The following PISD variants were observed in gnomAD, a reference collection of about 807,000 sequenced individuals.
PISD encodes phosphatidylserine decarboxylase, also known as phosphatidylserine decarboxylase proenzyme, mitochondrial.
PISD carries 31 observed loss-of-function variants against 43.5 expected under a neutral mutation model. That is an observed-to-expected ratio of 0.71 (90% confidence interval 0.54 to 0.96). The LOEUF is 0.96. Ranked by LOEUF, PISD falls within the 40% of genes least tolerant of loss-of-function variation. The pLI is 0.00. For missense variants in PISD, 523 were observed against 548.4 expected, an observed-to-expected ratio of 0.95 and a Z score of 0.46; for synonymous variants, 259 against 228.7, an observed-to-expected ratio of 1.13 and a Z score of -1.20.
At chr22:31,656,649 A>AAAATAAATAAAT (rs59608474) in intron 1 of PISD, among the ~76,000 whole-genome samples, 10,064 of 149,154 alleles carry the variant, frequency 0.067, 359 homozygotes, top group South Asian at 0.13. Context: ...CTGCGTCTCA[A>AAAATAAATAAAT]AAATAAATAA....
Position 31,620,720 on chromosome 22 carries a change from A to G in PISD, c.845-7T>C. The G allele has an allele frequency of 6.2e-7, 1 of 1,614,122 alleles. No individual in the cohort carries two copies. The highest frequency in any genetic ancestry group is 8.5e-7 in the Non-Finnish European group (1 of 1,179,986). On this transcript the variant is annotated splice_region_variant and splice_polypyrimidine_tract_variant and intron_variant, in intron 6 of 7. Transcript: ENST00000439502. ...TTCACTGACATCAGGGAGCCTGCAG[A>G]GGCAGGGAATGCCGCTACTCCCCGT...
intron 1 of PISD, among the ~76,000 whole-genome samples, 161 bp from the exon 2 acceptor site, chr22:31,650,939 G>A (rs926075663): frequency 1.3e-5 from 2 of 152,092 alleles, no homozygotes; most frequent in African/African-American, 4.8e-5. Flanking sequence ...GTAGGGGAAG[G>A]ACTGAAATAT....
In PISD at chr22:31,621,449, G is replaced by A. The variant is rs760875261; in HGVS notation, c.582C>T (p.Ile194=). 6.8e-6 allele frequency: 11 copies of A among 1,614,046 alleles called. No individual in the cohort carries two copies. Among genetic ancestry groups the A allele is most frequent in the Non-Finnish European group, 9.3e-6 (11 of 1,180,036 alleles). ...HSVISPSDGR[I]LNFGQVKNCE... is the part of the protein sequence containing the mutation. Reference sequence around the variant, plus strand: ...AGTTCTTCACCTGCCCAAAGTTGAGGATCCTTCCATCCGATGGGCTAATCT... The same window carrying A: ...AGTTCTTCACCTGCCCAAAGTTGAGAATCCTTCCATCCGATGGGCTAATCT... Residue 194 remains isoleucine, a synonymous_variant, in exon 5 of 8, where the codon ATC becomes ATT. Coordinates refer to ENST00000439502, the MANE Select transcript of PISD (RefSeq NM_001326411.2).
At chr22:31,635,412 C>T (rs1259653640) in intron 3 of PISD, among the ~76,000 whole-genome samples, 1 of 152,080 alleles carries the variant, frequency 6.6e-6, no homozygotes, top group Non-Finnish European at 1.5e-5. Flanking sequence ...AAGCAATTCT[C>T]ATGCCTCAGC....
intron 2 of PISD, 29 bp from the exon 3 acceptor site, chr22:31,648,305 C>G: frequency 6.4e-7 from 1 of 1,569,532 alleles, no homozygotes; most frequent in Non-Finnish European, 8.7e-7. Context: ...CAATTTCAAG[C>G]CTGAGAGACA....
intron 3 of PISD, among the ~76,000 whole-genome samples, chr22:31,633,531 C>T (rs1444287084): frequency 2.0e-5 from 3 of 152,120 alleles, no homozygotes; most frequent in Non-Finnish European, 4.4e-5. Flanking sequence ...CTGGCTAACA[C>T]GGTGAAACTC....
intron 3 of PISD, among the ~76,000 whole-genome samples, chr22:31,623,458 T>C (rs1603396029): frequency 6.6e-6 from 1 of 151,886 alleles, no homozygotes; most frequent in Non-Finnish European, 1.5e-5. Flanking sequence ...GCTAGGGGAG[T>C]GGGCAGGGCA....
intron 3 of PISD, among the ~76,000 whole-genome samples, chr22:31,645,432 CA>C (rs905997775): frequency 6.6e-6 from 1 of 150,706 alleles, no homozygotes; most frequent in Admixed American, 6.6e-5. Flanking sequence ...TGGCCGGGCG[CA>C]GTGGCGCACA....
intron 1 of PISD, among the ~76,000 whole-genome samples, chr22:31,654,411 G>C (rs2074110781): frequency 6.6e-6 from 1 of 152,088 alleles, no homozygotes; most frequent in Non-Finnish European, 1.5e-5. Context: ...TGGCTTTAAA[G>C]AACCATCCAC....
chr22:31,662,162 A>ACC lies in PISD; in HGVS notation c.45_46dup (p.Val16GlyfsTer17). 6.2e-7 allele frequency: 1 copy of ACC among 1,607,024 alleles called. No homozygotes were observed. The highest frequency in any genetic ancestry group is 8.5e-7 in the Non-Finnish European group (1 of 1,179,800). ...GCTATACCTGCTCCGCCACGGCGCG[A>ACC]CCCCGTGCAGTAATCCCAGACATCG... On this transcript the variant is annotated frameshift_variant, in exon 1 of 8. Transcript: ENST00000439502. LOFTEE classifies it high-confidence loss of function.
rs776844636 is a variant in PISD, at chr22:31,621,043, AAGCAGTGGT to A, written c.788_796del (p.Tyr263_Cys265del). 6.2e-7 allele frequency: 1 copy of A among 1,613,894 alleles called. No individual in the cohort carries two copies. Among genetic ancestry groups the A allele is most frequent in the East Asian group, 2.2e-5 (1 of 44,886 alleles). On this transcript the variant is annotated inframe_deletion, in exon 6 of 8. Coordinates refer to ENST00000439502, the MANE Select transcript of PISD (RefSeq NM_001326411.2). ...CACAGTCCAGTCGGTGGGGGAGTGGAAGCAGTGGTAGTCCCCAGGGGCCAGGTAGATGAC... is the reference window on the plus strand; with the variant it reads ...CACAGTCCAGTCGGTGGGGGAGTGGAAGTCCCCAGGGGCCAGGTAGATGAC...
rs2073168969 is a variant in PISD, at chr22:31,630,760, C to CT, written c.322-8876dup. 1.0e-6 allele frequency: 1 copy of CT among 985,626 alleles called. No homozygotes were observed. Among genetic ancestry groups the CT allele is most frequent in the African/African-American group, 1.7e-5 (1 of 57,366 alleles). 61.1% of individuals were successfully genotyped at this position (985,626 alleles called of 1,614,324 possible). A position where few individuals can be genotyped will look rare whatever the true frequency, so the allele number is the denominator to read the frequency against. ...GTGGGGCGCCTCCCTGAGAAGTCACCTGGGGCTCCCGGCAGGGCCGGGGCG... is the reference window on the plus strand; with the variant it reads ...GTGGGGCGCCTCCCTGAGAAGTCACCTTGGGGCTCCCGGCAGGGCCGGGGCG... On this transcript the variant is annotated intron_variant, in intron 3 of 7. Coordinates refer to ENST00000439502, the MANE Select transcript of PISD (RefSeq NM_001326411.2). This position sits in a 1 kb window ranked among gnomAD's most constrained non-coding sequence, Gnocchi z 4.4.
intron 1 of PISD, among the ~76,000 whole-genome samples, chr22:31,654,516 C>T (rs1186754607): frequency 2.0e-5 from 3 of 152,114 alleles, no homozygotes; most frequent in African/African-American, 4.8e-5. Flanking sequence ...GGATTCCCGA[C>T]CCTCTCTAAC....
rs897825216 is a variant in PISD at position 31,620,819 on chromosome 22, C to G, written c.845-106G>C. 8 of 1,471,440 alleles carry G rather than the reference C, an allele frequency of 5.4e-6. No homozygotes were observed. The African/African-American group carries it at 9.8e-5, about 18-fold the overall frequency. The allele number at this position is 1,471,440 out of a possible 1,614,324, so 91.1% of individuals were successfully genotyped here. A position where few individuals can be genotyped will look rare whatever the true frequency, so the allele number is the denominator to read the frequency against. ...CATGGCCTGTTGCCCCGATGTCACT[C>G]CAAATGCTGAGCTGACTGGGCCCCA... On this transcript the variant is annotated intron_variant, in intron 6 of 7. Transcript: ENST00000439502.
In PISD at chr22:31,618,671, C is replaced by T; in HGVS notation, c.*941G>A. 2 of 379,066 alleles carry T rather than the reference C, an allele frequency of 5.3e-6. No individual in the cohort carries two copies. The highest frequency in any genetic ancestry group is 9.3e-6 in the Non-Finnish European group (2 of 214,976). The allele number at this position is 379,066 out of a possible 1,614,324, so 23.5% of individuals were successfully genotyped here. ...GGGTCAACATGAAATCTGGCCCTGT[C>T]CCCGCCACTGGGGGCTCCCCAGGCC... On this transcript the variant is annotated 3_prime_UTR_variant, in exon 8 of 8. Transcript: ENST00000439502.
At chr22:31,645,758 C>G (rs1270092494) in intron 3 of PISD, among the ~76,000 whole-genome samples, 1 of 147,972 alleles carries the variant, frequency 6.8e-6, no homozygotes, top group Admixed American at 6.7e-5. Context: ...ACTGGGAAGG[C>G]TGAGGTGGGA....
At position 31,621,239 on chromosome 22, in the gene PISD, C is replaced by A. The variant is rs1295377266; in HGVS notation, c.697+95G>T. 3 of 1,609,006 alleles carry A rather than the reference C, an allele frequency of 1.9e-6. No homozygotes were observed. The African/African-American group carries it at 4.0e-5, about 22-fold the overall frequency. Reference sequence around the variant, plus strand: ...CACATGGATTCTCAGGGAGGCCCCACATGCCAGCCTCAGTTCCTTCCCCAG... The same window carrying A: ...CACATGGATTCTCAGGGAGGCCCCAAATGCCAGCCTCAGTTCCTTCCCCAG... On this transcript the variant is annotated intron_variant, in intron 5 of 7. Coordinates refer to ENST00000439502, the MANE Select transcript of PISD (RefSeq NM_001326411.2).
intron 3 of PISD, among the ~76,000 whole-genome samples, chr22:31,626,786 G>T (rs1047567216): frequency 6.6e-6 from 1 of 152,222 alleles, no homozygotes; most frequent in Non-Finnish European, 1.5e-5. Flanking sequence ...GAGCAAACAT[G>T]CTGAAGCTGT....
intron 4 of PISD, 40 bp from the exon 5 acceptor site, chr22:31,621,512 G>A: frequency 1.9e-6 from 3 of 1,612,438 alleles, no homozygotes; most frequent in Non-Finnish European, 2.5e-6. Context: ...GGAGAGCAGG[G>A]TCTCCTCCCC....
Sources: gnomAD v4.1 joint callset for allele counts (sites outside exome capture counted in the v4.1 genomes callset) on GRCh38, gnomAD v4.1.1 for gene constraint, Gnocchi (gnomAD v3.1) non-coding constraint, MANE v1.5 for transcripts, NCBI Gene and HGNC (gene_info 2026-07-23, HGNC 2026-07-21) for gene names.